The following ANO2 variants were observed in gnomAD, a reference collection of about 807,000 sequenced individuals.
ANO2 encodes the protein anoctamin 2, also known as anoctamin-2.
ANO2 carries 101 observed loss-of-function variants against 124.2 expected under a neutral mutation model. That is an observed-to-expected ratio of 0.81 (90% CI 0.69 to 0.96). The LOEUF (loss-of-function observed/expected upper bound fraction) is 0.96. Ranked by LOEUF, ANO2 falls within the 40% of genes least tolerant of loss-of-function variation. The pLI, the probability that ANO2 is intolerant of heterozygous loss-of-function variation, is 0.00. For missense variants in ANO2, 1,293 were observed against 1,274.5 expected (o/e 1.01, Z -0.22); for synonymous variants, 486 against 482.5 (o/e 1.01, Z -0.09).
intron 14 of ANO2, among the ~76,000 whole-genome samples, chr12:5,722,166 C>T (rs1950257334): frequency 6.6e-6 from 1 of 152,160 alleles, no homozygotes; most frequent in Non-Finnish European, 1.5e-5. Flanking sequence ...TTCTCACTGG[C>T]TGCAACCACA....
chr12:5,812,909 C>T (rs200321669), intron 7 of ANO2, among the ~76,000 whole-genome samples: 1 of 101,708 alleles, frequency 9.8e-6, no homozygotes, highest in East Asian at 3.4e-4. Context: ...AACAAGCAAG[C>T]AAGAAAAAGA....
intron 10 of ANO2, among the ~76,000 whole-genome samples, chr12:5,798,747 A>G (rs1413222549): frequency 6.6e-6 from 1 of 152,244 alleles, no homozygotes; most frequent in Admixed American, 6.5e-5. Flanking sequence ...GCTTGCCCAA[A>G]GAAATGGTAG....
chr12:5,842,590 A>T (rs559597295), intron 4 of ANO2, among the ~76,000 whole-genome samples: 2 of 152,216 alleles, frequency 1.3e-5, no homozygotes, highest in Admixed American at 6.5e-5. Flanking sequence ...TCTGGTGTGC[A>T]TGACTCACTC....
At chr12:5,813,166 C>G (rs1040791650) in intron 7 of ANO2, among the ~76,000 whole-genome samples, 4 of 152,062 alleles carry the variant, frequency 2.6e-5, no homozygotes, top group Admixed American at 6.5e-5. Context: ...GACTGAATGC[C>G]AAATGTTCAT....
intron 4 of ANO2, among the ~76,000 whole-genome samples, chr12:5,843,841 T>C (rs569020523): frequency 6.6e-6 from 1 of 152,296 alleles, no homozygotes; most frequent in African/African-American, 2.4e-5. Context: ...CTGGTGTTTA[T>C]TGAGCAAATA....
intron 14 of ANO2, among the ~76,000 whole-genome samples, chr12:5,678,730 T>C (rs753263688): frequency 6.6e-6 from 1 of 152,218 alleles, no homozygotes; most frequent in Non-Finnish European, 1.5e-5. Context: ...GCCACTCTCT[T>C]TCACCTTCTC....
Position 5,647,840 on chromosome 12 carries a change from C to A in ANO2, c.1546-39G>T, listed in dbSNP as rs752335067. The A allele has an allele frequency of 2.1e-6, 3 of 1,462,098 alleles. No homozygotes were observed. In the South Asian group the frequency reaches 3.6e-5, roughly 17 times the overall value. The allele number at this position is 1,462,098 out of a possible 1,614,324, so 90.6% of individuals were successfully genotyped here. On this transcript the variant is annotated intron_variant, in intron 14 of 24. Coordinates refer to ENST00000682330, the MANE Select transcript of ANO2 (RefSeq NM_001364791.2). Reference sequence around the variant, plus strand: ...GGAGAGTAGAGACAATCAGGAGGCACAAATAACAGATATTAATTTGCTCTC... The same window carrying A: ...GGAGAGTAGAGACAATCAGGAGGCAAAAATAACAGATATTAATTTGCTCTC...
At chr12:5,698,655 A>G (rs1246383695) in intron 14 of ANO2, among the ~76,000 whole-genome samples, 1 of 152,234 alleles carries the variant, frequency 6.6e-6, no homozygotes. Context: ...TCCGAGCTAA[A>G]GGAGGATGTT....
intron 9 of ANO2, among the ~76,000 whole-genome samples, chr12:5,801,663 A>AG (rs1457274442): frequency 6.6e-6 from 1 of 152,244 alleles, no homozygotes; most frequent in Non-Finnish European, 1.5e-5. Flanking sequence ...GAAACTACAC[A>AG]GGCCCTGAAA....
rs1942195589 is a variant in ANO2, at chr12:5,928,470, C to CTTCCTTCCTT, written c.23-5667_23-5666insAAGGAAGGAA. 3.3e-5 allele frequency among the ~76,000 whole-genome samples: 3 copies of CTTCCTTCCTT among 91,530 alleles called. 1 individual carries two copies. Among genetic ancestry groups the CTTCCTTCCTT allele is most frequent in the Non-Finnish European group, 2.5e-5 (1 of 39,238 alleles). 60.0% of individuals were successfully genotyped at this position (91,530 alleles called of 152,430 possible). On this transcript the variant is annotated intron_variant, in intron 1 of 24. Coordinates refer to ENST00000682330, the MANE Select transcript of ANO2 (RefSeq NM_001364791.2). ...TCCTCCGTAGTCTACTTTCCTTCGT[C>CTTCCTTCCTT]ACTAGTCTACTTTCCTTCCTCACTG...
At chr12:5,572,199 G>T (rs936200674) in intron 23 of ANO2, among the ~76,000 whole-genome samples, 6 of 152,054 alleles carry the variant, frequency 3.9e-5, no homozygotes, top group Non-Finnish European at 8.8e-5. Flanking sequence ...TATGGAGTTT[G>T]TTTTTTTCTT....
intron 3 of ANO2, among the ~76,000 whole-genome samples, chr12:5,872,474 G>T (rs964476211): frequency 6.6e-6 from 1 of 152,126 alleles, no homozygotes; most frequent in South Asian, 2.1e-4. Context: ...GGCTTCGAAG[G>T]CTTCACCTCA....
intron 10 of ANO2, among the ~76,000 whole-genome samples, chr12:5,758,666 G>A (rs1020256912): frequency 2.8e-4 from 42 of 152,302 alleles, no homozygotes; most frequent in African/African-American, 9.9e-4. Context: ...TCTGAAGTTT[G>A]TAGTGCAGTG....
intron 4 of ANO2, among the ~76,000 whole-genome samples, chr12:5,849,672 C>T (rs1954809147): frequency 6.6e-6 from 1 of 152,190 alleles, no homozygotes; most frequent in Non-Finnish European, 1.5e-5. Flanking sequence ...GGACACATTA[C>T]AATGGATTTG....
chr12:5,819,913 A>C (rs1424800984), intron 7 of ANO2, among the ~76,000 whole-genome samples: 1 of 152,142 alleles, frequency 6.6e-6, no homozygotes. Flanking sequence ...GCAGAGGCAA[A>C]GCAGCAATCA....
intron 1 of ANO2, among the ~76,000 whole-genome samples, chr12:5,924,669 A>C (rs552538831): frequency 4.5e-4 from 68 of 152,368 alleles, no homozygotes; most frequent in African/African-American, 1.6e-3. Context: ...AAGGCTAGAT[A>C]GCTCCACAGG....
chr12:5,901,358 G>A (rs1319548325), intron 3 of ANO2, among the ~76,000 whole-genome samples: 1 of 152,164 alleles, frequency 6.6e-6, no homozygotes, highest in Non-Finnish European at 1.5e-5. Flanking sequence ...ACCCCAACAA[G>A]AACAAGGAAG....
intron 10 of ANO2, among the ~76,000 whole-genome samples, chr12:5,780,764 T>C (rs576069350): frequency 6.6e-5 from 10 of 152,116 alleles, no homozygotes; most frequent in African/African-American, 2.4e-4. Context: ...GAGTCTTAAA[T>C]CAAAGTTACA....
intron 14 of ANO2, among the ~76,000 whole-genome samples, chr12:5,703,061 C>G (rs1296754713): frequency 6.6e-6 from 1 of 151,994 alleles, no homozygotes; most frequent in East Asian, 1.9e-4. Context: ...TAACTGCATC[C>G]CTGGTAGTAG....
Sources: gnomAD v4.1 joint callset for allele counts (sites outside exome capture counted in the v4.1 genomes callset) on GRCh38, gnomAD v4.1.1 for gene constraint, MANE v1.5 for transcripts, NCBI Gene and HGNC (gene_info 2026-07-23, HGNC 2026-07-21) for gene names.